WAPL: variants seen among roughly 807,000 people sequenced by gnomAD.
WAPL encodes the protein WAPL cohesin release factor, also known as wings apart-like protein homolog.
A neutral mutation model predicts 121.0 loss-of-function variants in WAPL; 5 were observed. The ratio of observed to expected loss-of-function variants is 0.04; its 90% CI spans 0.02 to 0.09. The LOEUF (loss-of-function observed/expected upper bound fraction) is 0.09, where lower values mean the gene tolerates loss of function less well. Among genes scored for constraint, WAPL ranks in the 10% least tolerant of loss-of-function variants. WAPL has a pLI of 1.00. For synonymous variants in WAPL, 480 were observed against 481.5 expected (o/e 1.00, Z 0.04); for missense variants, 999 against 1,410.8 (o/e 0.71, Z 4.68).
chr10:86,516,483 G>A lies in WAPL; in HGVS notation c.499+1088C>T, dbSNP rs4528225. On this transcript the variant is annotated intron_variant, in intron 2 of 18. Transcript: ENST00000298767. The stretch of plus-strand genomic sequence containing the variant: ...GTGTTTACTTCCTTTCAAAATAGGA[G>A]ATTTTTATAACCTCTCATTATTGCT... Among the ~76,000 whole-genome samples, 1,458 of 152,184 alleles carry A rather than the reference G, an allele frequency of 9.6e-3. 30 individuals carry two copies. The highest frequency in any genetic ancestry group is 0.033 in the African/African-American group (1,355 of 41,540).
intron 9 of WAPL, among the ~76,000 whole-genome samples, chr10:86,464,535 GAAGT>G (rs1461044910): frequency 6.6e-6 from 1 of 152,028 alleles, no homozygotes; most frequent in East Asian, 1.9e-4. Context: ...CAAAAATACA[GAAGT>G]AAATAAAAAT....
intron 2 of WAPL, among the ~76,000 whole-genome samples, chr10:86,510,849 G>C (rs1331676164): frequency 1.3e-5 from 2 of 151,822 alleles, no homozygotes; most frequent in Admixed American, 1.3e-4. Context: ...GTTTTGTTTT[G>C]TTTTTGAGAT....
intron 15 of WAPL, among the ~76,000 whole-genome samples, chr10:86,451,304 A>G (rs183195670): frequency 7.9e-4 from 121 of 152,296 alleles, no homozygotes; most frequent in African/African-American, 2.5e-3. Flanking sequence ...AGGAGTGATT[A>G]TAACAGTCGA....
At chr10:86,455,108 G>C (rs1266463478) in intron 12 of WAPL, among the ~76,000 whole-genome samples, 9 of 141,120 alleles carry the variant, frequency 6.4e-5, no homozygotes, top group South Asian at 4.7e-4. Context: ...TCCAGGAGGT[G>C]GGGGGGTGCC....
intron 2 of WAPL, among the ~76,000 whole-genome samples, chr10:86,501,791 AC>A (rs1842252233): frequency 6.6e-6 from 1 of 152,048 alleles, no homozygotes; most frequent in South Asian, 2.1e-4. Context: ...TGATCCTCCC[AC>A]CTCAGCCTCC....
At chr10:86,469,577 A>C (rs552784791) in intron 8 of WAPL, among the ~76,000 whole-genome samples, 2 of 152,138 alleles carry the variant, frequency 1.3e-5, no homozygotes, top group South Asian at 2.1e-4. Flanking sequence ...TACACAATCT[A>C]AATACTGAAG....
intron 4 of WAPL, among the ~76,000 whole-genome samples, chr10:86,481,434 C>T (rs1841782973): frequency 6.6e-6 from 1 of 152,046 alleles, no homozygotes; most frequent in Non-Finnish European, 1.5e-5. Context: ...AGTGCAATGG[C>T]GCGATCTTGG....
chr10:86,439,130 G>A (rs897339758), intron 17 of WAPL, among the ~76,000 whole-genome samples: 1 of 152,076 alleles, frequency 6.6e-6, no homozygotes, highest in African/African-American at 2.4e-5. Flanking sequence ...GGGCAAAAAA[G>A]GAGAGATGAC....
At chr10:86,481,011 T>C (rs1261171560) in intron 4 of WAPL, among the ~76,000 whole-genome samples, 1 of 152,226 alleles carries the variant, frequency 6.6e-6, no homozygotes, top group African/African-American at 2.4e-5. Flanking sequence ...ATTTGGGATT[T>C]CTTTTACAAC....
chr10:86,481,850 TA>T (rs1018273383), intron 4 of WAPL, among the ~76,000 whole-genome samples: 309 of 142,812 alleles, frequency 2.2e-3, no homozygotes, highest in Middle Eastern at 7.1e-3. Flanking sequence ...TTGTACACAT[TA>T]AAAAAAAAAA....
chr10:86,485,785 G>A (rs1841918070), intron 4 of WAPL, among the ~76,000 whole-genome samples: 1 of 152,106 alleles, frequency 6.6e-6, no homozygotes, highest in Admixed American at 6.5e-5. Context: ...GAAATACTAA[G>A]ACTGCTCAAA....
chr10:86,515,142 C>A (rs906188853), intron 2 of WAPL, among the ~76,000 whole-genome samples: 5 of 151,798 alleles, frequency 3.3e-5, no homozygotes, highest in African/African-American at 1.2e-4. Context: ...TGCCTAAAAT[C>A]CCAGCTACTC....
At chr10:86,504,975 A>C (rs184525967) in intron 2 of WAPL, among the ~76,000 whole-genome samples, 1 of 151,568 alleles carries the variant, frequency 6.6e-6, no homozygotes, top group African/African-American at 2.4e-5. Context: ...ATTTCCAATA[A>C]ATTTTATCTT....
intron 16 of WAPL, among the ~76,000 whole-genome samples, chr10:86,444,890 G>T (rs201374234): frequency 3.9e-4 from 2 of 5,192 alleles, no homozygotes; most frequent in Admixed American, 1.2e-3. Flanking sequence ...ATGTTATTAC[G>T]CCAAAAAAAA....
At chr10:86,502,222 A>G (rs1245398071) in intron 2 of WAPL, among the ~76,000 whole-genome samples, 2 of 152,228 alleles carry the variant, frequency 1.3e-5, no homozygotes, top group Non-Finnish European at 2.9e-5. Context: ...AAAGAATTAA[A>G]TTACCATATA....
intron 7 of WAPL, among the ~76,000 whole-genome samples, chr10:86,471,537 T>C (rs977317662): frequency 6.6e-6 from 1 of 152,220 alleles, no homozygotes; most frequent in African/African-American, 2.4e-5. Context: ...TGGGTACAAA[T>C]GTAAGCGTCC....
intron 2 of WAPL, among the ~76,000 whole-genome samples, chr10:86,505,002 CAA>C (rs1842317417): frequency 6.6e-6 from 1 of 151,870 alleles, no homozygotes; most frequent in Non-Finnish European, 1.5e-5. Context: ...ATACAGCATT[CAA>C]GTTTGATTAT....
chr10:86,469,187 T>G (rs961183036), intron 8 of WAPL, among the ~76,000 whole-genome samples: 84 of 147,002 alleles, frequency 5.7e-4, no homozygotes, highest in Non-Finnish European at 1.0e-3. Context: ...CTTGGGAGGG[T>G]GAGTTGTGAG....
At chr10:86,505,300 C>CTTTTTTTTTTTTTTTTTGTTTTTTTTTT (rs1842326066) in intron 2 of WAPL, among the ~76,000 whole-genome samples, 1 of 44,638 alleles carries the variant, frequency 2.2e-5, no homozygotes, top group Non-Finnish European at 4.1e-5. Flanking sequence ...GTGCCCAACT[C>CTTTTTTTTTTTTTTTTTGTTTTTTTTTT]TTTTTTTTTT....
Sources: gnomAD v4.1 joint callset for allele counts (sites outside exome capture counted in the v4.1 genomes callset) on GRCh38, gnomAD v4.1.1 for gene constraint, MANE v1.5 for transcripts, NCBI Gene and HGNC (gene_info 2026-07-23, HGNC 2026-07-21) for gene names.